Variants in KIF16B observed in about 807,000 individuals in gnomAD.
The protein encoded by KIF16B is kinesin-like protein KIF16B.
A neutral mutation model predicts 156.3 loss-of-function variants in KIF16B; 98 were observed. The observed-to-expected ratio is 0.63, with a 90% CI of 0.53 to 0.74. The LOEUF (loss-of-function observed/expected upper bound fraction) is 0.74. KIF16B is among the 30% of genes least tolerant of loss of function. The probability of loss-of-function intolerance (pLI) is 0.00; values close to 1 mark genes in which losing one functional copy is unlikely to be tolerated. For synonymous variants in KIF16B, 564 were observed against 583.7 expected (o/e 0.97, Z 0.49); for missense variants, 1,421 against 1,606.5 (o/e 0.88, Z 1.97).
chr20:16,327,042 T>C (rs1472403002), intron 24 of KIF16B, among the ~76,000 whole-genome samples: 8 of 138,240 alleles, frequency 5.8e-5, no homozygotes, highest in Non-Finnish European at 1.1e-4. Context: ...CACACACACA[T>C]ATATATGTAT....
intron 17 of KIF16B, among the ~76,000 whole-genome samples, chr20:16,403,592 C>CGGG: frequency 6.6e-6 from 1 of 152,236 alleles, no homozygotes; most frequent in South Asian, 2.1e-4. Context: ...TCCTGGAAAG[C>CGGG]GGGGGTGGGG....
chr20:16,468,575 CAAAAAAAAA>C (rs550510241), intron 12 of KIF16B, among the ~76,000 whole-genome samples: 7 of 35,838 alleles, frequency 2.0e-4, no homozygotes, highest in African/African-American at 5.3e-4. Context: ...GACTCCGTCT[CAAAAAAAAA>C]AAAAAAAAAA....
chr20:16,347,697 C>T (rs1206530441), intron 23 of KIF16B, among the ~76,000 whole-genome samples: 1 of 152,134 alleles, frequency 6.6e-6, no homozygotes, highest in Non-Finnish European at 1.5e-5. Flanking sequence ...CTTTCACTTG[C>T]TATTTATGTT....
chr20:16,387,249 C>T (rs1291061397), intron 17 of KIF16B, among the ~76,000 whole-genome samples: 2 of 152,122 alleles, frequency 1.3e-5, no homozygotes, highest in African/African-American at 4.8e-5. Context: ...GCAGAAAGGG[C>T]TGGCTGGGCA....
Position 16,489,955 on chromosome 20 carries a change from C to G in KIF16B, c.1302+4336G>C, listed in dbSNP as rs532780964. Among the ~76,000 whole-genome samples, 8 of 152,144 alleles carry G rather than the reference C, an allele frequency of 5.3e-5. No homozygotes were observed. The East Asian group carries it at 1.4e-3, about 26-fold the overall frequency. On this transcript the variant is annotated intron_variant, in intron 12 of 25. Coordinates refer to ENST00000354981, the MANE Select transcript of KIF16B (RefSeq NM_024704.5). ...ATAAAAATGCACAATCATACAAGAG[C>G]CTTTCTAGTGGGAATGAGAAAGTAA...
chr20:16,498,267 G>A (rs995359103), intron 10 of KIF16B, among the ~76,000 whole-genome samples: 1 of 152,094 alleles, frequency 6.6e-6, no homozygotes, highest in African/African-American at 2.4e-5. Context: ...AGAGGGAAAC[G>A]GAATCAGGCT....
chr20:16,291,678 A>C (rs1406875741), intron 25 of KIF16B, among the ~76,000 whole-genome samples: 1 of 152,224 alleles, frequency 6.6e-6, no homozygotes, highest in African/African-American at 2.4e-5. Context: ...GTTGACACCC[A>C]GTTTCTGCCA....
chr20:16,420,307 T>C (rs111999513), intron 15 of KIF16B, among the ~76,000 whole-genome samples: 52 of 152,146 alleles, frequency 3.4e-4, no homozygotes, highest in African/African-American at 1.1e-3. Flanking sequence ...GATACAGAAA[T>C]AGAATTTGCC....
At chr20:16,336,275 G>A (rs1176364325) in intron 23 of KIF16B, among the ~76,000 whole-genome samples, 2 of 152,066 alleles carry the variant, frequency 1.3e-5, no homozygotes, top group Admixed American at 6.5e-5. Context: ...TCTCTTAATT[G>A]GTTATAAAAA....
intron 22 of KIF16B, among the ~76,000 whole-genome samples, chr20:16,356,993 C>T (rs1049587984): frequency 6.6e-5 from 10 of 152,152 alleles, no homozygotes; most frequent in African/African-American, 1.7e-4. Context: ...TTTCTTTAGG[C>T]CCCATTTGAT....
At chr20:16,479,207 G>A (rs2067907301) in intron 12 of KIF16B, among the ~76,000 whole-genome samples, 1 of 152,168 alleles carries the variant, frequency 6.6e-6, no homozygotes, top group Non-Finnish European at 1.5e-5. Flanking sequence ...CCTTTGCAGG[G>A]ACATGGATGG....
intron 24 of KIF16B, among the ~76,000 whole-genome samples, chr20:16,320,750 G>T (rs1426438307): frequency 6.6e-6 from 1 of 152,138 alleles, no homozygotes; most frequent in Non-Finnish European, 1.5e-5. Context: ...ACAATGTAAA[G>T]ATCTCAGAAT....
intron 12 of KIF16B, among the ~76,000 whole-genome samples, chr20:16,482,067 C>T (rs7351652): frequency 1.3e-5 from 2 of 151,978 alleles, no homozygotes; most frequent in African/African-American, 4.8e-5. Context: ...ATGTAAAGTA[C>T]GAGATAAGAT....
chr20:16,290,093 C>T (rs558887504), intron 25 of KIF16B, among the ~76,000 whole-genome samples: 1 of 152,170 alleles, frequency 6.6e-6, no homozygotes, highest in Non-Finnish European at 1.5e-5. Flanking sequence ...ACTGTATAAA[C>T]CTTCAGAGAT....
intron 23 of KIF16B, among the ~76,000 whole-genome samples, chr20:16,338,415 T>C (rs1426717087): frequency 2.0e-5 from 3 of 152,170 alleles, no homozygotes; most frequent in Non-Finnish European, 4.4e-5. Context: ...CCCCAATTCC[T>C]TGAAGGTTTA....
chr20:16,421,913 G>A (rs920957021), intron 15 of KIF16B, among the ~76,000 whole-genome samples: 16 of 152,096 alleles, frequency 1.1e-4, no homozygotes, highest in African/African-American at 7.2e-5. Flanking sequence ...AGAGCATCCC[G>A]CAGGGAAAGA....
At chr20:16,401,816 A>T (rs1427334964) in intron 17 of KIF16B, among the ~76,000 whole-genome samples, 1 of 152,204 alleles carries the variant, frequency 6.6e-6, no homozygotes, top group Non-Finnish European at 1.5e-5. Context: ...GTGCAGATCC[A>T]AGCCACTATT....
At chr20:16,496,933 A>G (rs1313658316) in intron 11 of KIF16B, among the ~76,000 whole-genome samples, 2 of 152,146 alleles carry the variant, frequency 1.3e-5, no homozygotes, top group African/African-American at 4.8e-5. Flanking sequence ...ATTCTTTTTC[A>G]ATCTGTCTTA....
chr20:16,479,248 T>A (rs748948455), intron 12 of KIF16B, among the ~76,000 whole-genome samples: 3 of 152,078 alleles, frequency 2.0e-5, no homozygotes, highest in Non-Finnish European at 4.4e-5. Flanking sequence ...AACAAACTAA[T>A]GCAGGAACAG....
Sources: allele counts gnomAD v4.1 joint callset (sites outside exome capture counted in the v4.1 genomes callset), GRCh38; gene constraint gnomAD v4.1.1; transcripts MANE v1.5; gene names NCBI Gene and HGNC (gene_info 2026-07-23, HGNC 2026-07-21).